The following ETFA variants were observed in gnomAD, a reference collection of about 807,000 sequenced individuals.
The protein encoded by ETFA is electron transfer flavoprotein subunit alpha.
A neutral mutation model predicts 46.2 loss-of-function variants in ETFA; 22 were observed. The observed-to-expected ratio is 0.48, with a 90% CI of 0.34 to 0.68. ETFA has a LOEUF of 0.68. Among genes scored for constraint, ETFA ranks in the 30% least tolerant of loss-of-function variants. The pLI, the probability that ETFA is intolerant of heterozygous loss-of-function variation, is 0.01. For missense variants in ETFA, 345 were observed against 401.1 expected, an observed-to-expected ratio of 0.86 and a Z score of 1.19; for synonymous variants, 131 against 139.9, an observed-to-expected ratio of 0.94 and a Z score of 0.45.
At chr15:76,289,658 T>C (rs1001228462) in intron 4 of ETFA, among the ~76,000 whole-genome samples, 1 of 152,200 alleles carries the variant, frequency 6.6e-6, no homozygotes, top group Admixed American at 6.5e-5. Flanking sequence ...GAGTTCTTTT[T>C]GTGCATAAAA....
chr15:76,258,903 G>T, intron 9 of ETFA: 1 of 928,632 alleles, frequency 1.1e-6, no homozygotes, highest in Non-Finnish European at 1.7e-6. Flanking sequence ...TTGCTGTCTG[G>T]GCTGAGGTCA....
rs66595585 is a variant in ETFA, at chr15:76,233,325, C to CTTTTTTT, written c.817-1934_817-1928dup. 9.6e-4 allele frequency among the ~76,000 whole-genome samples: 81 copies of CTTTTTTT among 84,486 alleles called. 2 individuals carry two copies. The highest frequency in any genetic ancestry group is 1.4e-3 in the Non-Finnish European group (64 of 46,282). The allele number at this position is 84,486 out of a possible 152,430, so 55.4% of individuals were successfully genotyped here. The stretch of plus-strand genomic sequence containing the variant: ...TAAGATTTAGAAGTAATTCAATAGG[C>CTTTTTTT]TTTTTTTTTTTTTTTTTTTTTTGAG... On this transcript the variant is annotated intron_variant, in intron 9 of 11. Transcript: ENST00000557943.
At chr15:76,258,916 C>G (rs2039373754) in intron 9 of ETFA, 1 of 1,070,208 alleles carries the variant, frequency 9.3e-7, no homozygotes, top group Non-Finnish European at 1.4e-6. Context: ...TGAGGTCAGA[C>G]AGGGCTTTGT....
intron 8 of ETFA, among the ~76,000 whole-genome samples, chr15:76,275,604 T>A (rs542902571): frequency 6.6e-6 from 1 of 152,362 alleles, no homozygotes; most frequent in African/African-American, 2.4e-5. Flanking sequence ...TTGAAAGTAA[T>A]AACTGACACA....
At chr15:76,247,542 A>C (rs2039254876) in intron 9 of ETFA, among the ~76,000 whole-genome samples, 1 of 152,232 alleles carries the variant, frequency 6.6e-6, no homozygotes, top group Non-Finnish European at 1.5e-5. Flanking sequence ...CCATGATAAC[A>C]GCCCCTTCTC....
intron 9 of ETFA, among the ~76,000 whole-genome samples, chr15:76,247,917 T>C (rs2039259062): frequency 6.6e-6 from 1 of 152,244 alleles, no homozygotes; most frequent in South Asian, 2.1e-4. Context: ...GAACCAGTTA[T>C]TAATTCTCCC....
chr15:76,255,006 T>A (rs973380354), intron 9 of ETFA, among the ~76,000 whole-genome samples: 72 of 152,324 alleles, frequency 4.7e-4, no homozygotes, highest in African/African-American at 1.7e-3. Flanking sequence ...TTTATTCATT[T>A]TTAAATTTCT....
chr15:76,228,000 A>T, intron 10 of ETFA: 1 of 455,864 alleles, frequency 2.2e-6, no homozygotes, highest in South Asian at 1.5e-5. Context: ...AAGAACAAAC[A>T]TTCTGAATTG....
chr15:76,284,985 A>T, intron 7 of ETFA: 2 of 316,912 alleles, frequency 6.3e-6, no homozygotes, highest in Non-Finnish European at 1.2e-5. Flanking sequence ...CAAAATATTA[A>T]TTTTTTTTTC....
chr15:76,250,499 T>A (rs946689918), intron 9 of ETFA, among the ~76,000 whole-genome samples: 1 of 152,040 alleles, frequency 6.6e-6, no homozygotes, highest in African/African-American at 2.4e-5. Context: ...AAAGTAAAAA[T>A]GAAATGTCTT....
intron 11 of ETFA, among the ~76,000 whole-genome samples, chr15:76,218,907 A>C (rs2038926896): frequency 6.6e-6 from 1 of 152,182 alleles, no homozygotes; most frequent in African/African-American, 2.4e-5. Flanking sequence ...CTAGTTGGCA[A>C]GCATAGACAG....
intron 11 of ETFA, among the ~76,000 whole-genome samples, chr15:76,217,420 GGCACA>G (rs1272690864): frequency 6.6e-6 from 1 of 152,116 alleles, no homozygotes; most frequent in East Asian, 1.9e-4. Context: ...ACTATCATCT[GGCACA>G]CAGAAATGTG....
At chr15:76,265,288 G>A (rs1281424120) in intron 9 of ETFA, among the ~76,000 whole-genome samples, 1 of 152,180 alleles carries the variant, frequency 6.6e-6, no homozygotes, top group Non-Finnish European at 1.5e-5. Context: ...GATTCAACTA[G>A]TTATTAGTTC....
At chr15:76,254,002 T>C (rs2039326455) in intron 9 of ETFA, among the ~76,000 whole-genome samples, 2 of 152,112 alleles carry the variant, frequency 1.3e-5, no homozygotes, top group Non-Finnish European at 2.9e-5. Context: ...ACAATGGAGA[T>C]CAACTTAGGC....
intron 9 of ETFA, among the ~76,000 whole-genome samples, chr15:76,248,001 T>G (rs772506390): frequency 6.6e-6 from 1 of 152,332 alleles, no homozygotes; most frequent in Admixed American, 6.5e-5. Context: ...ATAGTCTACA[T>G]CTGGATAATG....
chr15:76,224,707 G>A (rs3784449), intron 11 of ETFA, among the ~76,000 whole-genome samples: 43,371 of 152,026 alleles, frequency 0.29, 6,610 homozygotes, highest in East Asian at 0.56. Flanking sequence ...TTCTACATGA[G>A]GGGTTCCTCA....
chr15:76,283,432 T>C (rs2141527737), intron 8 of ETFA, among the ~76,000 whole-genome samples: 1 of 152,286 alleles, frequency 6.6e-6, no homozygotes, highest in South Asian at 2.1e-4. Context: ...GCTCAAGCAG[T>C]CCTCCTGCCT....
intron 6 of ETFA, 77 bp from the exon 7 acceptor site, chr15:76,285,815 C>T (rs1051086586): frequency 3.8e-5 from 36 of 945,758 alleles, no homozygotes; most frequent in East Asian, 1.2e-4. Flanking sequence ...AAGAGAAACA[C>T]ACAAGTATAT....
intron 9 of ETFA, among the ~76,000 whole-genome samples, chr15:76,252,807 T>A (rs2039311334): frequency 6.6e-6 from 1 of 152,020 alleles, no homozygotes; most frequent in South Asian, 2.1e-4. Context: ...AGGAAATACA[T>A]ACTGAGGTCT....
Sources: gnomAD v4.1 joint callset for allele counts (sites outside exome capture counted in the v4.1 genomes callset) on GRCh38, gnomAD v4.1.1 for gene constraint, MANE v1.5 for transcripts, NCBI Gene and HGNC (gene_info 2026-07-23, HGNC 2026-07-21) for gene names.